Variants in INPP4B observed in about 807,000 individuals in gnomAD.
The protein encoded by INPP4B is inositol polyphosphate-4-phosphatase type II B.
A neutral mutation model predicts 122.5 loss-of-function variants in INPP4B; 55 were observed. The ratio of observed to expected loss-of-function variants is 0.45; its 90% CI spans 0.36 to 0.56. INPP4B has a LOEUF of 0.56. Among genes scored for constraint, INPP4B ranks in the 20% least tolerant of loss-of-function variants. INPP4B has a pLI of 0.00. For synonymous variants in INPP4B, 403 were observed against 388.7 expected, an observed-to-expected ratio of 1.04 and a Z score of -0.43; for missense variants, 1,000 against 1,097.7, an observed-to-expected ratio of 0.91 and a Z score of 1.26.
At chr4:142,061,519 T>C (rs964128527) in intron 25 of INPP4B, among the ~76,000 whole-genome samples, 1 of 152,084 alleles carries the variant, frequency 6.6e-6, no homozygotes, top group Non-Finnish European at 1.5e-5. Context: ...AAAAGCAAAG[T>C]ATATAGTCTG....
intron 2 of INPP4B, among the ~76,000 whole-genome samples, chr4:142,679,109 C>T (rs1303553471): frequency 6.6e-6 from 1 of 151,852 alleles, no homozygotes; most frequent in Non-Finnish European, 1.5e-5. Context: ...ATCCAGACCC[C>T]TGGACCAGAG....
intron 25 of INPP4B, among the ~76,000 whole-genome samples, chr4:142,059,037 G>A (rs922646842): frequency 2.6e-5 from 4 of 152,106 alleles, no homozygotes; most frequent in African/African-American, 9.7e-5. Context: ...GAGGAGATAA[G>A]GGCTTATAAA....
intron 1 of INPP4B, among the ~76,000 whole-genome samples, chr4:142,772,870 C>A (rs12506296): frequency 1.3e-5 from 2 of 151,732 alleles, no homozygotes; most frequent in African/African-American, 4.8e-5. Flanking sequence ...CATGGTGAAA[C>A]GCTGTCTCTA....
intron 12 of INPP4B, among the ~76,000 whole-genome samples, chr4:142,234,108 G>A (rs978845013): frequency 2.6e-5 from 4 of 152,124 alleles, no homozygotes; most frequent in African/African-American, 9.7e-5. Context: ...TGTAGATTCA[G>A]GAATCTTTTT....
rs184166764 is a variant in INPP4B, at chr4:142,244,964, C to T, written c.689-6953G>A. On this transcript the variant is annotated intron_variant, in intron 11 of 25. Transcript: ENST00000262992. ...CTCATTGTGATTTTGATTTACATTT[C>T]TCTAATGACCAGTGATGATGAGTTA... is the stretch of plus-strand genomic sequence containing the variant. Among the ~76,000 whole-genome samples, 6 of 152,282 alleles carry T rather than the reference C, an allele frequency of 3.9e-5. No homozygotes were observed. In the East Asian group the frequency reaches 9.6e-4, roughly 24 times the overall value.
chr4:142,418,173 C>T (rs1464809638), intron 5 of INPP4B, among the ~76,000 whole-genome samples: 2 of 151,998 alleles, frequency 1.3e-5, no homozygotes, highest in Non-Finnish European at 2.9e-5. Flanking sequence ...CTCTATTTCT[C>T]TAAAATATAA....
At chr4:142,572,014 T>C (rs1732942476) in intron 2 of INPP4B, among the ~76,000 whole-genome samples, 1 of 152,172 alleles carries the variant, frequency 6.6e-6, no homozygotes, top group African/African-American at 2.4e-5. Context: ...TTTTCCATTC[T>C]TCAGTTGCAT....
intron 10 of INPP4B, among the ~76,000 whole-genome samples, chr4:142,266,395 A>T (rs557174503): frequency 6.6e-6 from 1 of 152,320 alleles, no homozygotes; most frequent in East Asian, 1.9e-4. Context: ...AACAGAGAAG[A>T]ACAAGGTTTA....
rs576584196 is a variant in INPP4B at position 142,198,019 on chromosome 4, T to G, written c.1073-4824A>C. ...TACTGGATGCTCAATAAAGTTGATT[T>G]GTGTTCACATTGTAGATGTTTATTT... is the stretch of plus-strand genomic sequence containing the variant. On this transcript the variant is annotated intron_variant, in intron 14 of 25. Transcript: ENST00000262992. 3.0e-4 allele frequency among the ~76,000 whole-genome samples: 45 copies of G among 152,300 alleles called. 1 individual carries two copies. Among genetic ancestry groups the G allele is most frequent in the Middle Eastern group, 6.8e-3 (2 of 294 alleles).
At chr4:142,517,167 G>T (rs1235457751) in intron 2 of INPP4B, among the ~76,000 whole-genome samples, 3 of 151,964 alleles carry the variant, frequency 2.0e-5, no homozygotes, top group Admixed American at 1.3e-4. Flanking sequence ...TCAAAAAGGA[G>T]TTCCTTGCTC....
chr4:142,634,673 T>TA (rs1336152666), intron 2 of INPP4B, among the ~76,000 whole-genome samples: 3 of 152,074 alleles, frequency 2.0e-5, no homozygotes, highest in African/African-American at 4.8e-5. Context: ...ATTAATCTGC[T>TA]AAAAAAGATC....
intron 1 of INPP4B, among the ~76,000 whole-genome samples, chr4:142,800,175 A>G (rs958417290): frequency 6.6e-6 from 1 of 152,132 alleles, no homozygotes; most frequent in African/African-American, 2.4e-5. Context: ...TTTGAAAATG[A>G]GTGAGAAAAC....
At chr4:142,502,015 T>C (rs1450030683) in intron 2 of INPP4B, among the ~76,000 whole-genome samples, 2 of 152,096 alleles carry the variant, frequency 1.3e-5, no homozygotes, top group African/African-American at 2.4e-5. Context: ...GAGAAGTAAG[T>C]AAGTGATTTG....
chr4:142,824,431 G>T (rs1781204534), intron 1 of INPP4B, among the ~76,000 whole-genome samples: 1 of 151,896 alleles, frequency 6.6e-6, no homozygotes, highest in South Asian at 2.1e-4. Context: ...AATCATCGTG[G>T]CTCTAAAACA....
At chr4:142,347,879 A>G (rs1780779309) in intron 7 of INPP4B, among the ~76,000 whole-genome samples, 1 of 152,060 alleles carries the variant, frequency 6.6e-6, no homozygotes, top group African/African-American at 2.4e-5. Flanking sequence ...CTCAAAGCTA[A>G]AGATTCCCAT....
intron 9 of INPP4B, among the ~76,000 whole-genome samples, chr4:142,285,274 T>C (rs577016909): frequency 6.6e-6 from 1 of 151,984 alleles, no homozygotes; most frequent in African/African-American, 2.4e-5. Flanking sequence ...CTGTGGCTAC[T>C]GAATCACAAG....
chr4:142,203,969 T>G (rs991764131), intron 14 of INPP4B, among the ~76,000 whole-genome samples: 6 of 152,100 alleles, frequency 3.9e-5, no homozygotes, highest in Non-Finnish European at 7.4e-5. Flanking sequence ...CCACAAAACT[T>G]AAATAAATTT....
chr4:142,209,351 C>G (rs1348729623), intron 12 of INPP4B, among the ~76,000 whole-genome samples: 1 of 151,952 alleles, frequency 6.6e-6, no homozygotes, highest in Admixed American at 6.6e-5. Flanking sequence ...AATTGTAAAA[C>G]CTCTATGTAA....
At position 142,270,469 on chromosome 4, in the gene INPP4B, G is replaced by T. The variant is rs143908853; in HGVS notation, c.615+194C>A. 4.5e-3 allele frequency among the ~76,000 whole-genome samples: 686 copies of T among 152,270 alleles called. 5 individuals are homozygous for T. The highest frequency in any genetic ancestry group is 0.016 in the African/African-American group (648 of 41,558). On this transcript the variant is annotated intron_variant, in intron 10 of 25. Transcript: ENST00000262992. ...GTGCTTCTGAATGGAGCATTGCTTT[G>T]CATAGTTCCAAGCAAATAGGCCCTT...
Sources: allele counts gnomAD v4.1 joint callset (sites outside exome capture counted in the v4.1 genomes callset), GRCh38; gene constraint gnomAD v4.1.1; transcripts MANE v1.5; gene names NCBI Gene and HGNC (gene_info 2026-07-23, HGNC 2026-07-21).